CAMK4: variants seen among roughly 807,000 people sequenced by gnomAD.
CAMK4 encodes the protein calcium/calmodulin-dependent protein kinase type IV.
A neutral mutation model predicts 44.9 loss-of-function variants in CAMK4; 22 were observed. The observed-to-expected ratio is 0.49, with a 90% CI of 0.35 to 0.70. The LOEUF is 0.70. Ranked by LOEUF, CAMK4 falls within the 30% of genes least tolerant of loss-of-function variation. CAMK4 has a pLI of 0.01. For synonymous variants in CAMK4, 218 were observed against 215.4 expected (o/e 1.01, Z -0.11); for missense variants, 498 against 586.8 (o/e 0.85, Z 1.56).
At chr5:111,412,430 A>T (rs545127974) in intron 5 of CAMK4, among the ~76,000 whole-genome samples, 16 of 152,334 alleles carry the variant, frequency 1.1e-4, no homozygotes, top group African/African-American at 3.6e-4. Context: ...ACATTTCAAA[A>T]ATAATAGCAA....
At chr5:111,295,076 T>C (rs1380772478) in intron 1 of CAMK4, among the ~76,000 whole-genome samples, 1 of 152,206 alleles carries the variant, frequency 6.6e-6, no homozygotes, top group Non-Finnish European at 1.5e-5. Context: ...TAAAAACATA[T>C]TGCCAGCTGC....
rs1750780239 is a variant in CAMK4, at chr5:111,276,843, C to T, written c.161+52199C>T. ...GTTGTTAAGACTGAAGAATCCTTACCAAAAATTTTTAAAAATATGATCTTG... is the reference window on the plus strand; with the variant it reads ...GTTGTTAAGACTGAAGAATCCTTACTAAAAATTTTTAAAAATATGATCTTG... On this transcript the variant is annotated intron_variant, in intron 1 of 10. Coordinates refer to ENST00000282356, the MANE Select transcript of CAMK4 (RefSeq NM_001744.6). 2.0e-5 allele frequency among the ~76,000 whole-genome samples: 3 copies of T among 151,942 alleles called. No individual in the cohort carries two copies. In the South Asian group the frequency reaches 6.2e-4, roughly 32 times the overall value.
chr5:111,388,486 G>A (rs1702229546), intron 4 of CAMK4, among the ~76,000 whole-genome samples: 1 of 152,028 alleles, frequency 6.6e-6, no homozygotes. Flanking sequence ...ACCCCCAACT[G>A]CCACCCTCCT....
intron 4 of CAMK4, among the ~76,000 whole-genome samples, chr5:111,387,847 T>A (rs1393547169): frequency 6.6e-6 from 1 of 152,226 alleles, no homozygotes; most frequent in African/African-American, 2.4e-5. Context: ...TCTACTGATG[T>A]CATACAACTG....
At chr5:111,288,261 T>G (rs1160506769) in intron 1 of CAMK4, among the ~76,000 whole-genome samples, 1 of 152,252 alleles carries the variant, frequency 6.6e-6, no homozygotes, top group Non-Finnish European at 1.5e-5. Flanking sequence ...TTACAAATAA[T>G]GATGCTCTAA....
At chr5:111,267,346 T>C (rs1750293496) in intron 1 of CAMK4, among the ~76,000 whole-genome samples, 1 of 152,186 alleles carries the variant, frequency 6.6e-6, no homozygotes, top group African/African-American at 2.4e-5. Flanking sequence ...CAATAATACT[T>C]GTAATTTAAA....
intron 1 of CAMK4, among the ~76,000 whole-genome samples, chr5:111,256,368 T>G (rs1749746611): frequency 6.6e-6 from 1 of 152,160 alleles, no homozygotes; most frequent in South Asian, 2.1e-4. Context: ...ATCTTGGTTG[T>G]GTTGGTGGTC....
At chr5:111,369,789 T>C (rs939705090) in intron 2 of CAMK4, among the ~76,000 whole-genome samples, 4 of 152,226 alleles carry the variant, frequency 2.6e-5, no homozygotes, top group African/African-American at 9.6e-5. Context: ...TAATATTCTT[T>C]AAATAATCTC....
At chr5:111,285,260 TAC>T (rs1012970848) in intron 1 of CAMK4, among the ~76,000 whole-genome samples, 1 of 152,198 alleles carries the variant, frequency 6.6e-6, no homozygotes, top group Non-Finnish European at 1.5e-5. Flanking sequence ...ACTATACACA[TAC>T]ACACACATCT....
At chr5:111,241,872 G>C (rs537446789) in intron 1 of CAMK4, among the ~76,000 whole-genome samples, 86 of 152,326 alleles carry the variant, frequency 5.6e-4, no homozygotes, top group African/African-American at 2.0e-3. Context: ...CATTGGAGCT[G>C]AGGGCTCAAA....
In CAMK4 at chr5:111,340,783, T is replaced by A. The variant is rs187503568; in HGVS notation, c.162-3241T>A. On this transcript the variant is annotated intron_variant, in intron 1 of 10. Transcript: ENST00000282356. ...GAGTTTGAGACGGATTGGTATTAGT[T>A]TTTTTTAATGTTTGGTAAAATTCAG... 5.6e-3 allele frequency among the ~76,000 whole-genome samples: 847 copies of A among 151,364 alleles called. 5 individuals carry two copies. Among genetic ancestry groups the A allele is most frequent in the Non-Finnish European group, 8.5e-3 (574 of 67,474 alleles).
At chr5:111,413,897 G>A (rs1752718653) in intron 5 of CAMK4, among the ~76,000 whole-genome samples, 1 of 151,652 alleles carries the variant, frequency 6.6e-6, no homozygotes, top group African/African-American at 2.4e-5. Flanking sequence ...AGTGGAAAAA[G>A]AATAAATGTA....
chr5:111,339,418 AGG>A (rs1439091893), intron 1 of CAMK4, among the ~76,000 whole-genome samples: 3 of 151,234 alleles, frequency 2.0e-5, no homozygotes, highest in African/African-American at 7.3e-5. Context: ...GTGTGAGATA[AGG>A]GTCTTATTTC....
chr5:111,395,487 G>A (rs1488516436), intron 5 of CAMK4, among the ~76,000 whole-genome samples: 4 of 151,076 alleles, frequency 2.6e-5, no homozygotes, highest in Non-Finnish European at 4.4e-5. Flanking sequence ...TGTGGAAGAG[G>A]GTTGAATGTG....
At chr5:111,320,191 G>A (rs997616011) in intron 1 of CAMK4, among the ~76,000 whole-genome samples, 1 of 152,144 alleles carries the variant, frequency 6.6e-6, no homozygotes, top group Admixed American at 6.5e-5. Flanking sequence ...AAGTAGATAA[G>A]ACCAGAAGAA....
In CAMK4 at chr5:111,296,272, G is replaced by T. The variant is rs1330513478; in HGVS notation, c.162-47752G>T. Among the ~76,000 whole-genome samples the T allele has an allele frequency of 2.0e-5, 3 of 152,108 alleles. No individual in the cohort carries two copies. The South Asian group carries it at 6.2e-4, about 32-fold the overall frequency. On this transcript the variant is annotated intron_variant, in intron 1 of 10. Coordinates refer to ENST00000282356, the MANE Select transcript of CAMK4 (RefSeq NM_001744.6). ...TTAAGCTTCCGTTTAGGAAATATAT[G>T]GAAATATTTAAGCCTAAGGAAAACA... is the stretch of plus-strand genomic sequence containing the variant.
intron 1 of CAMK4, among the ~76,000 whole-genome samples, chr5:111,273,331 A>G (rs1411502795): frequency 6.6e-6 from 1 of 152,030 alleles, no homozygotes; most frequent in East Asian, 1.9e-4. Context: ...ACATTCACAA[A>G]GACAGATACA....
At chr5:111,322,656 TG>T (rs953123568) in intron 1 of CAMK4, among the ~76,000 whole-genome samples, 18 of 151,476 alleles carry the variant, frequency 1.2e-4, no homozygotes, top group African/African-American at 4.4e-4. Context: ...CAGGGTGGGG[TG>T]GGTGTAGGGA....
At chr5:111,376,984 T>A (rs1274696404) in intron 4 of CAMK4, 42 bp downstream of exon 4, 1 of 1,269,094 alleles carries the variant, frequency 7.9e-7, no homozygotes, top group African/African-American at 1.5e-5. Flanking sequence ...AGGTTTGCTT[T>A]TGGCCACCAA....
Sources: gnomAD v4.1 joint callset for allele counts (sites outside exome capture counted in the v4.1 genomes callset) on GRCh38, gnomAD v4.1.1 for gene constraint, MANE v1.5 for transcripts, NCBI Gene and HGNC (gene_info 2026-07-23, HGNC 2026-07-21) for gene names.